Variants in TMEM132B observed in about 807,000 individuals in gnomAD.
The protein encoded by TMEM132B is transmembrane protein 132B.
A neutral mutation model predicts 90.8 loss-of-function variants in TMEM132B; 18 were observed. The ratio of observed to expected loss-of-function variants is 0.20; its 90% CI spans 0.14 to 0.29. The LOEUF (loss-of-function observed/expected upper bound fraction) is 0.29, where lower values mean the gene tolerates loss of function less well. TMEM132B is among the 10% of genes least tolerant of loss of function. TMEM132B has a pLI of 1.00. For synonymous variants in TMEM132B, 504 were observed against 523.3 expected, an observed-to-expected ratio of 0.96 and a Z score of 0.50; for missense variants, 1,096 against 1,326.8, an observed-to-expected ratio of 0.83 and a Z score of 2.70.
At chr12:125,210,805 A>T (rs191218895) in intron 1 of TMEM132B, among the ~76,000 whole-genome samples, 31 of 152,272 alleles carry the variant, frequency 2.0e-4, no homozygotes, top group Admixed American at 2.0e-3. Context: ...TTTACAAAAG[A>T]TAAAACAATT....
At chr12:125,202,822 CA>C (rs1376030920) in intron 1 of TMEM132B, among the ~76,000 whole-genome samples, 21 of 152,148 alleles carry the variant, frequency 1.4e-4, no homozygotes, top group African/African-American at 4.8e-4. Context: ...ACCTGGAGTG[CA>C]GGGGGAGTGA....
chr12:125,263,628 AGAAT>A (rs1874619051), intron 1 of TMEM132B, among the ~76,000 whole-genome samples: 1 of 152,236 alleles, frequency 6.6e-6, no homozygotes, highest in South Asian at 2.1e-4. Context: ...AAATGTATCA[AGAAT>A]GAATGAAGTG....
chr12:125,346,678 G>A (rs925244394), intron 1 of TMEM132B, among the ~76,000 whole-genome samples: 81 of 152,238 alleles, frequency 5.3e-4, no homozygotes, highest in African/African-American at 4.8e-5. Flanking sequence ...AACTTTAGAT[G>A]AGGCTAATTC....
chr12:125,242,633 C>T (rs1035793360), intron 1 of TMEM132B, among the ~76,000 whole-genome samples: 2 of 152,184 alleles, frequency 1.3e-5, no homozygotes, highest in Non-Finnish European at 2.9e-5. Flanking sequence ...AGGAGGAACC[C>T]CGTGCACTTG....
intron 5 of TMEM132B, among the ~76,000 whole-genome samples, chr12:125,597,405 G>T (rs1885463986): frequency 6.6e-6 from 1 of 152,092 alleles, no homozygotes; most frequent in Admixed American, 6.6e-5. Context: ...GGATAGGTGT[G>T]GAGGCACTTG....
chr12:125,337,997 C>T (rs1430773458), intron 1 of TMEM132B, among the ~76,000 whole-genome samples: 2 of 152,222 alleles, frequency 1.3e-5, no homozygotes, highest in Admixed American at 6.5e-5. Context: ...GACAGCAGCG[C>T]TCTCTCTATA....
chr12:125,639,198 A>G lies in TMEM132B; in HGVS notation c.1438-4878A>G, dbSNP rs540554252. ...AATAAAACACACATGTACCTCACAC[A>G]TAGAGATCTTAATTCTGAGTTAAAA... On this transcript the variant is annotated intron_variant, in intron 5 of 8. Coordinates refer to ENST00000682704, the MANE Select transcript of TMEM132B (RefSeq NM_001366854.1). Among the ~76,000 whole-genome samples, 24 of 152,322 alleles carry G rather than the reference A, an allele frequency of 1.6e-4. No individual in the cohort carries two copies. In the South Asian group the frequency reaches 4.8e-3, roughly 30 times the overall value.
intron 2 of TMEM132B, among the ~76,000 whole-genome samples, chr12:125,401,548 G>A (rs910389537): frequency 6.6e-6 from 1 of 152,196 alleles, no homozygotes; most frequent in Non-Finnish European, 1.5e-5. Flanking sequence ...GTCTGTGGGA[G>A]AGGCTTCCAG....
chr12:125,368,053 TATC>T (rs1878184531), intron 2 of TMEM132B, among the ~76,000 whole-genome samples: 1 of 152,228 alleles, frequency 6.6e-6, no homozygotes, highest in Admixed American at 6.5e-5. Context: ...TCTTTAAATT[TATC>T]ATCATCTAAT....
chr12:125,419,227 A>G lies in TMEM132B; in HGVS notation c.1106+3550A>G, dbSNP rs369739778. On this transcript the variant is annotated intron_variant, in intron 3 of 8. Coordinates refer to ENST00000682704, the MANE Select transcript of TMEM132B (RefSeq NM_001366854.1). ...GTTGCTGTAACCCAACTCAAGGTGA[A>G]GTCAAGATCCAATCCAGCTGTTCAC... Among the ~76,000 whole-genome samples, 21 of 152,350 alleles carry G rather than the reference A, an allele frequency of 1.4e-4. 1 individual carries two copies. The South Asian group carries it at 4.4e-3, about 32-fold the overall frequency.
intron 2 of TMEM132B, among the ~76,000 whole-genome samples, chr12:125,363,317 A>G (rs1385000406): frequency 1.3e-5 from 2 of 152,166 alleles, no homozygotes; most frequent in African/African-American, 4.8e-5. Context: ...TAGTCCCTTC[A>G]TGAGACCTTC....
At chr12:125,275,805 C>G (rs1013059610) in intron 1 of TMEM132B, among the ~76,000 whole-genome samples, 1 of 152,128 alleles carries the variant, frequency 6.6e-6, no homozygotes, top group Non-Finnish European at 1.5e-5. Flanking sequence ...CCTTGACCTC[C>G]TGGGCTCAAG....
intron 1 of TMEM132B, among the ~76,000 whole-genome samples, chr12:125,240,585 A>G (rs113952813): frequency 5.1e-4 from 77 of 152,040 alleles, no homozygotes; most frequent in African/African-American, 1.8e-3. Flanking sequence ...CCCAGCATTG[A>G]CCTCTTGGTT....
chr12:125,409,370 G>A (rs994618696), intron 2 of TMEM132B, among the ~76,000 whole-genome samples: 2 of 152,226 alleles, frequency 1.3e-5, no homozygotes, highest in African/African-American at 4.8e-5. Flanking sequence ...GCTTCACTGT[G>A]ATCCTGGAGG....
chr12:125,218,001 C>T (rs1236682813), intron 1 of TMEM132B, among the ~76,000 whole-genome samples: 20 of 152,006 alleles, frequency 1.3e-4, no homozygotes, highest in Non-Finnish European at 2.9e-5. Context: ...AAAAATGAGG[C>T]GGGCCAATTT....
intron 1 of TMEM132B, among the ~76,000 whole-genome samples, chr12:125,317,272 C>A (rs548360635): frequency 2.0e-5 from 3 of 152,286 alleles, no homozygotes; most frequent in South Asian, 2.1e-4. Context: ...AAGCACCTGG[C>A]CTGGAGTGCG....
At chr12:125,282,548 A>G (rs1875225675) in intron 1 of TMEM132B, among the ~76,000 whole-genome samples, 1 of 152,210 alleles carries the variant, frequency 6.6e-6, no homozygotes, top group Admixed American at 6.5e-5. Context: ...CCTCATGCCT[A>G]TTGCTGACCT....
rs1229160597 is a variant in TMEM132B at position 125,636,432 on chromosome 12, C to G, written c.1438-7644C>G. 2.0e-5 allele frequency among the ~76,000 whole-genome samples: 3 copies of G among 152,284 alleles called. No individual in the cohort carries two copies. The East Asian group carries it at 5.8e-4, about 29-fold the overall frequency. On this transcript the variant is annotated intron_variant, in intron 5 of 8. Transcript: ENST00000682704. Reference sequence around the variant, plus strand: ...CTTGTAGCTCTCCTAATTGTATTCCCTATTATTTTCACTTGGTGCTTCTTA... The same window carrying G: ...CTTGTAGCTCTCCTAATTGTATTCCGTATTATTTTCACTTGGTGCTTCTTA...
chr12:125,207,482 G>T (rs1366251478), intron 1 of TMEM132B, among the ~76,000 whole-genome samples: 2 of 152,212 alleles, frequency 1.3e-5, no homozygotes, highest in Admixed American at 1.3e-4. Context: ...TTCTCTAGCT[G>T]CACTGTTCAA....
Sources: gnomAD v4.1 joint callset for allele counts (sites outside exome capture counted in the v4.1 genomes callset) on GRCh38, gnomAD v4.1.1 for gene constraint, MANE v1.5 for transcripts, NCBI Gene and HGNC (gene_info 2026-07-23, HGNC 2026-07-21) for gene names.